The following SMYD3 variants were observed in gnomAD, a reference collection of about 807,000 sequenced individuals.
SMYD3 encodes the protein SET and MYND domain containing 3, also known as histone-lysine N-methyltransferase SMYD3.
Under a neutral mutation model 57.7 loss-of-function variants are expected in SMYD3, and 36 were observed. The observed-to-expected ratio is 0.62, with a 90% CI of 0.48 to 0.82. The LOEUF is 0.82. SMYD3 is among the 40% of genes least tolerant of loss of function. SMYD3 has a pLI of 0.00. For synonymous variants in SMYD3, 211 were observed against 195.0 expected (o/e 1.08, Z -0.68); for missense variants, 515 against 538.8 (o/e 0.96, Z 0.44).
chr1:245,986,069 T>C lies in SMYD3; in HGVS notation c.532-56132A>G, dbSNP rs561175424. 7.5e-4 allele frequency among the ~76,000 whole-genome samples: 114 copies of C among 152,276 alleles called. No individual in the cohort carries two copies. In the South Asian group the frequency reaches 0.021, roughly 28 times the overall value. The stretch of plus-strand genomic sequence containing the variant: ...GAAACACACTCCCCTGGCAGTAGAG[T>C]AAGCGAGTCTACCAAACATTTTAGG... On this transcript the variant is annotated intron_variant, in intron 5 of 11. Transcript: ENST00000490107.
In SMYD3 at chr1:246,481,607, T is replaced by TATATATATATATATATATATACACAC. The variant is rs1156393004; in HGVS notation, c.164+25446_164+25447insGTGTGTATATATATATATATATATAT. Among the ~76,000 whole-genome samples, 76 of 61,974 alleles carry TATATATATATATATATATATACACAC rather than the reference T, an allele frequency of 1.2e-3. 6 individuals are homozygous for TATATATATATATATATATATACACAC. The highest frequency in any genetic ancestry group is 3.5e-3 in the African/African-American group (72 of 20,376). 40.7% of individuals were successfully genotyped at this position (61,974 alleles called of 152,430 possible). A position where few individuals can be genotyped will look rare whatever the true frequency, so the allele number is the denominator to read the frequency against. ...TTCTCAGGCTCCATATATATATATA[T>TATATATATATATATATATATACACAC]ACACATACATATATACATACATACA... On this transcript the variant is annotated intron_variant, in intron 1 of 11. Transcript: ENST00000490107.
chr1:245,989,120 T>C (rs892903281), intron 5 of SMYD3, among the ~76,000 whole-genome samples: 1 of 152,228 alleles, frequency 6.6e-6, no homozygotes, highest in Non-Finnish European at 1.5e-5. Flanking sequence ...CATGATTCCA[T>C]GACTTCTTAG....
intron 1 of SMYD3, among the ~76,000 whole-genome samples, chr1:246,478,357 A>G (rs2103056008): frequency 6.6e-6 from 1 of 152,322 alleles, no homozygotes; most frequent in Admixed American, 6.5e-5. Flanking sequence ...ATATATGCAC[A>G]CCTGTCCTCT....
intron 10 of SMYD3, among the ~76,000 whole-genome samples, chr1:245,857,055 C>T (rs1188715914): frequency 1.3e-5 from 2 of 152,228 alleles, no homozygotes; most frequent in Non-Finnish European, 2.9e-5. Context: ...TCTGAGCAGG[C>T]ATTTCACTGC....
At chr1:246,345,131 A>G (rs1238887053) in intron 2 of SMYD3, among the ~76,000 whole-genome samples, 1 of 152,128 alleles carries the variant, frequency 6.6e-6, no homozygotes, top group East Asian at 1.9e-4. Flanking sequence ...TCTGTGTTCT[A>G]CATAGGAAAT....
At chr1:245,850,333 G>A (rs2050899842) in intron 10 of SMYD3, among the ~76,000 whole-genome samples, 1 of 152,164 alleles carries the variant, frequency 6.6e-6, no homozygotes, top group East Asian at 1.9e-4. Flanking sequence ...TTATTTCTCA[G>A]GGCAGAACCT....
intron 5 of SMYD3, among the ~76,000 whole-genome samples, chr1:246,032,588 G>A (rs537825914): frequency 3.9e-5 from 6 of 152,256 alleles, no homozygotes; most frequent in East Asian, 1.9e-4. Context: ...CCATTCCCTC[G>A]CATTCAAATG....
intron 10 of SMYD3, among the ~76,000 whole-genome samples, chr1:245,824,789 G>C (rs1264702236): frequency 6.6e-6 from 1 of 151,178 alleles, no homozygotes; most frequent in East Asian, 1.9e-4. Context: ...CCAGGAGATG[G>C]AGGTTGCAGT....
intron 1 of SMYD3, among the ~76,000 whole-genome samples, chr1:246,454,986 A>T (rs1448303727): frequency 6.6e-6 from 1 of 152,206 alleles, no homozygotes; most frequent in Non-Finnish European, 1.5e-5. Flanking sequence ...ACAATACAAC[A>T]AATTTATAAC....
At position 246,355,605 on chromosome 1, in the gene SMYD3, C is replaced by T. The variant is rs943066858; in HGVS notation, c.165-511G>A. 7.9e-5 allele frequency among the ~76,000 whole-genome samples: 12 copies of T among 152,108 alleles called. No homozygotes were observed. Among genetic ancestry groups the T allele is most frequent in the African/African-American group, 2.7e-4 (11 of 41,392 alleles). ...CAGACTCCGTGCTGCTGTGGGGGCACGGTGGGAGTGAGACCAGCCTTTAGG... is the reference window on the plus strand; with the variant it reads ...CAGACTCCGTGCTGCTGTGGGGGCATGGTGGGAGTGAGACCAGCCTTTAGG... On this transcript the variant is annotated intron_variant, in intron 1 of 11. Coordinates refer to ENST00000490107, the MANE Select transcript of SMYD3 (RefSeq NM_001167740.2). The surrounding 1 kb of genome is among the most constrained non-coding windows in gnomAD (Gnocchi z 5.0).
At chr1:245,789,890 AGAATTCATT>A (rs2047196757) in intron 10 of SMYD3, among the ~76,000 whole-genome samples, 1 of 152,274 alleles carries the variant, frequency 6.6e-6, no homozygotes, top group Admixed American at 6.5e-5. Flanking sequence ...AAGTGAAACT[AGAATTCATT>A]GACCAGTTTG....
At chr1:245,967,995 A>C (rs2058199080) in intron 5 of SMYD3, among the ~76,000 whole-genome samples, 7 of 152,164 alleles carry the variant, frequency 4.6e-5, no homozygotes, top group Admixed American at 4.6e-4. Flanking sequence ...ATCCTTGACC[A>C]GTACACTACA....
In SMYD3 at chr1:245,858,548, C is replaced by T. The variant is rs145115256; in HGVS notation, c.1024G>A (p.Gly342Ser). Residue 342 changes from glycine (G) to serine (S), a missense_variant, in exon 10 of 12, where the codon GGC (glycine) becomes AGC (serine). Gly to Ser is a moderately conservative substitution (Grantham distance 56). Coordinates refer to ENST00000490107, the MANE Select transcript of SMYD3 (RefSeq NM_001167740.2). ...TAGAACAAGGCTTCCTCCAACAGGC[C>T]GAGGTTGATGCAGGCATCCATGGCG... ...DCAMDACINL[G>S]LLEEALFYGT... 1.3e-4 allele frequency: 208 copies of T among 1,614,120 alleles called. No homozygotes were observed. The highest frequency in any genetic ancestry group is 1.6e-4 in the Non-Finnish European group (186 of 1,180,014).
chr1:246,351,513 C>T lies in SMYD3; in HGVS notation c.228+3518G>A, dbSNP rs1007858681. On this transcript the variant is annotated intron_variant, in intron 2 of 11. Transcript: ENST00000490107. ...GCAATAGAGAAAAAAGACTGGACCT[C>T]CTTCTATGAAATTATATGATAGACA... Among the ~76,000 whole-genome samples the T allele has an allele frequency of 2.2e-4, 34 of 152,122 alleles. 1 individual carries two copies. The highest frequency in any genetic ancestry group is 7.5e-4 in the African/African-American group (31 of 41,418).
chr1:245,977,424 A>C (rs1188763780), intron 5 of SMYD3, among the ~76,000 whole-genome samples: 2 of 152,158 alleles, frequency 1.3e-5, no homozygotes, highest in African/African-American at 4.8e-5. Flanking sequence ...CACACCTGTA[A>C]TCCCAGCACT....
At chr1:246,296,875 GAGATAGCGTTCTTAA>G (rs2064804722) in intron 5 of SMYD3, among the ~76,000 whole-genome samples, 1 of 152,088 alleles carries the variant, frequency 6.6e-6, no homozygotes, top group South Asian at 2.1e-4. Context: ...TATTTTTGTT[GAGATAGCGTTCTTAA>G]AGATCACAGA....
chr1:246,157,646 C>CTT (rs34008506), intron 5 of SMYD3, among the ~76,000 whole-genome samples: 2 of 151,950 alleles, frequency 1.3e-5, no homozygotes, highest in African/African-American at 2.4e-5. Flanking sequence ...TAAGCTTTGT[C>CTT]TTTTTTCCCC....
At chr1:245,794,942 T>A (rs1211392483) in intron 10 of SMYD3, among the ~76,000 whole-genome samples, 1 of 152,260 alleles carries the variant, frequency 6.6e-6, no homozygotes. Context: ...TTTTATTCTA[T>A]AATTTTATTT....
intron 5 of SMYD3, among the ~76,000 whole-genome samples, chr1:246,134,786 A>C (rs1572085470): frequency 7.7e-6 from 1 of 129,860 alleles, no homozygotes; most frequent in East Asian, 1.9e-4. Flanking sequence ...AAATTGATTG[A>C]CCACATTTTC....
Sources: gnomAD v4.1 joint callset for allele counts (sites outside exome capture counted in the v4.1 genomes callset) on GRCh38, gnomAD v4.1.1 for gene constraint, Gnocchi (gnomAD v3.1) non-coding constraint, MANE v1.5 for transcripts, NCBI Gene and HGNC (gene_info 2026-07-23, HGNC 2026-07-21) for gene names.